The following EGF variants were observed in gnomAD, a reference collection of about 807,000 sequenced individuals.
The protein encoded by EGF is pro-epidermal growth factor.
A neutral mutation model predicts 143.8 loss-of-function variants in EGF; 95 were observed. The observed-to-expected ratio is 0.66, with a 90% CI of 0.56 to 0.78. The LOEUF (loss-of-function observed/expected upper bound fraction) is 0.78. Among genes scored for constraint, EGF ranks in the 30% least tolerant of loss-of-function variants. The probability of loss-of-function intolerance (pLI) is 0.00; values close to 1 mark genes in which losing one functional copy is unlikely to be tolerated. For missense variants in EGF, 1,320 were observed against 1,470.9 expected, an observed-to-expected ratio of 0.90 and a Z score of 1.68; for synonymous variants, 510 against 510.5, an observed-to-expected ratio of 1.00 and a Z score of 0.01.
chr4:110,004,707 A>G, intron 22 of EGF, 85 bp downstream of exon 22: 2 of 1,035,188 alleles, frequency 1.9e-6, no homozygotes, highest in Non-Finnish European at 2.7e-6. Context: ...TGAGTTCAGA[A>G]TGACTGGAAT....
intron 20 of EGF, 64 bp from the exon 21 acceptor site, chr4:109,999,615 T>A: frequency 6.3e-7 from 1 of 1,596,570 alleles, no homozygotes; most frequent in African/African-American, 1.3e-5. Flanking sequence ...GAATACTGAG[T>A]GTCAAAACTA....
At chr4:109,972,433 T>G (rs1462720393) in intron 11 of EGF, among the ~76,000 whole-genome samples, 1 of 152,150 alleles carries the variant, frequency 6.6e-6, no homozygotes, top group African/African-American at 2.4e-5. Context: ...AGATGATGTC[T>G]CTCATCTCTA....
At chr4:110,003,724 G>A (rs1032997811) in intron 21 of EGF, among the ~76,000 whole-genome samples, 7 of 132,262 alleles carry the variant, frequency 5.3e-5, no homozygotes, top group Admixed American at 8.9e-5. Context: ...GAATGACGCC[G>A]TGTATAGACT....
At chr4:110,000,990 C>A (rs1014080846) in intron 21 of EGF, among the ~76,000 whole-genome samples, 15 of 152,182 alleles carry the variant, frequency 9.9e-5, no homozygotes, top group Non-Finnish European at 2.2e-4. Context: ...ACTCAAGTGG[C>A]AACTGTCTTG....
chr4:109,961,021 A>G, intron 7 of EGF, 32 bp downstream of exon 7: 1 of 1,612,626 alleles, frequency 6.2e-7, no homozygotes, highest in African/African-American at 1.3e-5. Context: ...TTATTGCATT[A>G]GTTTTCTTCA....
intron 5 of EGF, among the ~76,000 whole-genome samples, chr4:109,958,658 G>A (rs1158811526): frequency 6.6e-6 from 1 of 152,160 alleles, no homozygotes; most frequent in African/African-American, 2.4e-5. Context: ...GCCAGGCACA[G>A]TGGCTCATGC....
intron 22 of EGF, among the ~76,000 whole-genome samples, chr4:110,006,915 C>G (rs1477705332): frequency 6.6e-6 from 1 of 152,194 alleles, no homozygotes. Context: ...GTAGTTCTAT[C>G]AGCTCCTTTC....
At chr4:109,946,721 AAATT>A (rs1336178669) in intron 5 of EGF, among the ~76,000 whole-genome samples, 2 of 152,204 alleles carry the variant, frequency 1.3e-5, no homozygotes, top group East Asian at 3.8e-4. Flanking sequence ...ATTTATAAAT[AAATT>A]AATTTTAGAT....
chr4:109,967,079 G>A (rs1746723177), intron 10 of EGF, among the ~76,000 whole-genome samples: 1 of 152,074 alleles, frequency 6.6e-6, no homozygotes, highest in Admixed American at 6.5e-5. Context: ...TGTTTTTGTT[G>A]CATTTCCTTT....
At chr4:109,957,977 A>C (rs567106080) in intron 5 of EGF, among the ~76,000 whole-genome samples, 2 of 152,316 alleles carry the variant, frequency 1.3e-5, no homozygotes, top group South Asian at 4.1e-4. Flanking sequence ...ATGGGCAAAA[A>C]ATAAGGTGCA....
At position 110,011,463 on chromosome 4, in the gene EGF, A is replaced by G; in HGVS notation, c.*8A>G. 6.2e-7 allele frequency: 1 copy of G among 1,614,202 alleles called. No homozygotes were observed. On this transcript the variant is annotated 3_prime_UTR_variant, in exon 24 of 24. Coordinates refer to ENST00000265171, the MANE Select transcript of EGF (RefSeq NM_001963.6). ...ATGGAGCTGACTCAGTGAAAACTGGAATTAAAAGGAAAGTCAAGAAGAATG... is the reference window on the plus strand; with the variant it reads ...ATGGAGCTGACTCAGTGAAAACTGGGATTAAAAGGAAAGTCAAGAAGAATG...
At chr4:109,952,026 C>T (rs771650331) in intron 5 of EGF, among the ~76,000 whole-genome samples, 6 of 151,968 alleles carry the variant, frequency 3.9e-5, no homozygotes, top group African/African-American at 1.2e-4. Flanking sequence ...CCCGGCTGTC[C>T]GAAAACAGGC....
intron 20 of EGF, 54 bp from the exon 21 acceptor site, chr4:109,999,625 A>T (rs766159931): frequency 6.2e-7 from 1 of 1,610,218 alleles, no homozygotes; most frequent in South Asian, 1.1e-5. Flanking sequence ...TGTCAAAACT[A>T]TCAGCGTTTT....
In EGF at chr4:109,999,860, T is replaced by C. The variant is rs1242873725; in HGVS notation, c.3173+14T>C. On this transcript the variant is annotated intron_variant, in intron 21 of 23. Coordinates refer to ENST00000265171, the MANE Select transcript of EGF (RefSeq NM_001963.6). ...CCACTACTACAGGTGACCCTGTCTT[T>C]CCTTTGGTACTGGAAACCTCTTTCT... is the stretch of plus-strand genomic sequence containing the variant. 1 of 1,612,706 alleles carries C rather than the reference T, an allele frequency of 6.2e-7. No individual in the cohort carries two copies. Among genetic ancestry groups the C allele is most frequent in the African/African-American group, 1.3e-5 (1 of 74,900 alleles).
At chr4:109,979,779 A>G (rs1358788297) in intron 13 of EGF, among the ~76,000 whole-genome samples, 193 bp from the exon 14 acceptor site, 1 of 152,076 alleles carries the variant, frequency 6.6e-6, no homozygotes. Context: ...CTCCCATTCT[A>G]AGGTGACGTT....
At chr4:109,919,729 T>C (rs1737445347) in intron 1 of EGF, among the ~76,000 whole-genome samples, 1 of 151,472 alleles carries the variant, frequency 6.6e-6, no homozygotes, top group South Asian at 2.1e-4. Flanking sequence ...AGGAGAGCTC[T>C]TGATGGGGTA....
intron 5 of EGF, among the ~76,000 whole-genome samples, chr4:109,947,010 T>G (rs1294082889): frequency 6.6e-6 from 1 of 152,044 alleles, no homozygotes; most frequent in Non-Finnish European, 1.5e-5. Context: ...TCCCAGCTAT[T>G]CGGGAGGCTG....
At chr4:109,980,470 A>G (rs1422280680) in intron 14 of EGF, among the ~76,000 whole-genome samples, 1 of 152,182 alleles carries the variant, frequency 6.6e-6, no homozygotes, top group Non-Finnish European at 1.5e-5. Context: ...CTGAGGAGTG[A>G]GCAAATGGAA....
chr4:109,990,841 C>A (rs1013773889), intron 18 of EGF, among the ~76,000 whole-genome samples: 1 of 152,154 alleles, frequency 6.6e-6, no homozygotes, highest in African/African-American at 2.4e-5. Flanking sequence ...TTGTTTTCTT[C>A]TTCCTCTTCT....
Sources: gnomAD v4.1 joint callset for allele counts (sites outside exome capture counted in the v4.1 genomes callset) on GRCh38, gnomAD v4.1.1 for gene constraint, MANE v1.5 for transcripts, NCBI Gene and HGNC (gene_info 2026-07-23, HGNC 2026-07-21) for gene names.